C4orf17: variants seen among roughly 807,000 people sequenced by gnomAD.
C4orf17 encodes chromosome 4 open reading frame 17, also known as uncharacterized protein C4orf17.
In C4orf17, 25 loss-of-function variants were observed where a neutral mutation model predicts 32.0. That is an observed-to-expected ratio of 0.78 (90% CI 0.57 to 1.09). C4orf17 has a LOEUF of 1.09. C4orf17 is among the 50% of genes least tolerant of loss of function. The pLI is 0.00. For missense variants in C4orf17, 420 were observed against 420.0 expected (o/e 1.00, Z 0.00); for synonymous variants, 149 against 145.8 (o/e 1.02, Z -0.16).
chr4:99,533,985 CTTTTA>C (rs766741263), intron 5 of C4orf17, among the ~76,000 whole-genome samples: 1 of 152,168 alleles, frequency 6.6e-6, no homozygotes, highest in Non-Finnish European at 1.5e-5. Flanking sequence ...TTTCCCTCAA[CTTTTA>C]TTTTAAGTTC....
chr4:99,538,893 T>C (rs1013778837), intron 6 of C4orf17, among the ~76,000 whole-genome samples: 1 of 152,188 alleles, frequency 6.6e-6, no homozygotes, highest in Non-Finnish European at 1.5e-5. Context: ...CTGGCTACTG[T>C]ACTCAATATT....
intron 5 of C4orf17, among the ~76,000 whole-genome samples, chr4:99,536,955 G>C (rs1411178955): frequency 6.6e-6 from 1 of 152,050 alleles, no homozygotes; most frequent in Non-Finnish European, 1.5e-5. Context: ...GAACAGGCTG[G>C]AGGCAGCCTG....
At chr4:99,539,466 G>C in intron 7 of C4orf17, 96 bp downstream of exon 7, 7 of 974,154 alleles carry the variant, frequency 7.2e-6, no homozygotes, top group Non-Finnish European at 1.1e-5. Context: ...TAAACAGGAG[G>C]TTCTAAAGCT....
intron 4 of C4orf17, among the ~76,000 whole-genome samples, chr4:99,525,151 T>C (rs1257909655): frequency 1.3e-5 from 2 of 152,266 alleles, no homozygotes; most frequent in Non-Finnish European, 2.9e-5. Context: ...TCTACAAGTC[T>C]TTGGATATAT....
chr4:99,518,581 A>AGAGG (rs1249082777), intron 2 of C4orf17, among the ~76,000 whole-genome samples: 1 of 110,676 alleles, frequency 9.0e-6, no homozygotes, highest in Admixed American at 8.7e-5. Context: ...AGAGAGAGAG[A>AGAGG]GAGGGAGGGA....
Position 99,542,195 on chromosome 4 carries a change from T to G in C4orf17, c.*86T>G. 1 of 1,262,862 alleles carries G rather than the reference T, an allele frequency of 7.9e-7. No homozygotes were observed. Among genetic ancestry groups the G allele is most frequent in the South Asian group, 1.3e-5 (1 of 78,698 alleles). The allele number at this position is 1,262,862 out of a possible 1,614,324, so 78.2% of individuals were successfully genotyped here. On this transcript the variant is annotated 3_prime_UTR_variant, in exon 9 of 9. Coordinates refer to ENST00000326581, the MANE Select transcript of C4orf17 (RefSeq NM_032149.3). ...ATTTTTCAAATGAATATTTTTGGTA[T>G]TGAGGAATCAAGTGGTCCTCTTTAT...
intron 2 of C4orf17, among the ~76,000 whole-genome samples, chr4:99,515,247 G>C (rs1217037750): frequency 2.0e-5 from 3 of 152,246 alleles, no homozygotes; most frequent in Non-Finnish European, 2.9e-5. Flanking sequence ...ACCTGCACCT[G>C]TATGTTCACT....
rs1294836797 is a variant in C4orf17 at position 99,529,958 on chromosome 4, AG to A, written c.546+1del. 2 of 1,606,952 alleles carry A rather than the reference AG, an allele frequency of 1.2e-6. No homozygotes were observed. The highest frequency in any genetic ancestry group is 1.7e-6 in the Non-Finnish European group (2 of 1,177,408). On this transcript the variant is annotated splice_donor_variant, in intron 5 of 8. Coordinates refer to ENST00000326581, the MANE Select transcript of C4orf17 (RefSeq NM_032149.3). LOFTEE classifies it high-confidence loss of function. The stretch of plus-strand genomic sequence containing the variant: ...CAAACTATCTGGATCAGGAAATAAA[AG>A]TAAGTATCAGGTTTATCAAATCCAT...
chr4:99,515,000 G>C (rs1723154792), intron 2 of C4orf17, among the ~76,000 whole-genome samples: 1 of 152,158 alleles, frequency 6.6e-6, no homozygotes, highest in African/African-American at 2.4e-5. Flanking sequence ...AGTAACTCAG[G>C]AATGGAAAAC....
rs756367522 is a variant in C4orf17 at position 99,537,644 on chromosome 4, A to G, written c.547-25A>G. 4 of 1,546,124 alleles carry G rather than the reference A, an allele frequency of 2.6e-6. No homozygotes were observed. In the South Asian group the frequency reaches 4.5e-5, roughly 17 times the overall value. On this transcript the variant is annotated intron_variant, in intron 5 of 8. Coordinates refer to ENST00000326581, the MANE Select transcript of C4orf17 (RefSeq NM_032149.3). ...AGCCTTGTACTATTTATTTGCTCAT[A>G]TGTAACTCTAATGTTCTCTGTCAGA...
chr4:99,515,354 T>C (rs990883795), intron 2 of C4orf17, among the ~76,000 whole-genome samples: 10 of 152,120 alleles, frequency 6.6e-5, no homozygotes, highest in African/African-American at 2.4e-4. Flanking sequence ...CACCATGGAA[T>C]ACTCTGCAGC....
At chr4:99,539,603 C>A (rs1364276265) in intron 7 of C4orf17, among the ~76,000 whole-genome samples, 2 of 152,122 alleles carry the variant, frequency 1.3e-5, no homozygotes, top group African/African-American at 4.8e-5. Flanking sequence ...TATCTGGTAA[C>A]CTTTCTTTTT....
At chr4:99,512,443 C>A (rs1164156975) in intron 1 of C4orf17, among the ~76,000 whole-genome samples, 1 of 152,110 alleles carries the variant, frequency 6.6e-6, no homozygotes, top group Non-Finnish European at 1.5e-5. Flanking sequence ...TTGCAAACAA[C>A]AACATGGCAA....
chr4:99,541,764 G>A (rs190011110), intron 8 of C4orf17, 146 bp from the exon 9 acceptor site: 10 of 632,562 alleles, frequency 1.6e-5, no homozygotes, highest in Middle Eastern at 4.3e-4. Flanking sequence ...AAAAAGAAAA[G>A]GAATATATTC....
rs1238756472 is a variant in C4orf17, at chr4:99,539,257, A to T, written c.723A>T (p.Ala241=). ...GAAACACCTCAATGGAACCAGCAGC[A>T]GAGACTGGGAAGCCACCCACAGTTA... ...HRRNTSMEPA[A]ETGKPPTVKS... Residue 241 remains alanine (A), a synonymous_variant, in exon 7 of 9, where the codon GCA becomes GCT. Transcript: ENST00000326581. 1 of 1,614,124 alleles carries T rather than the reference A, an allele frequency of 6.2e-7. No individual in the cohort carries two copies.
Position 99,537,859 on chromosome 4 carries a change from C to T in C4orf17, c.628+109C>T, listed in dbSNP as rs1323208650. The T allele has an allele frequency of 2.6e-5, 21 of 808,370 alleles. No individual in the cohort carries two copies. In the East Asian group the frequency reaches 3.5e-4, roughly 14 times the overall value. The allele number at this position is 808,370 out of a possible 1,614,324, so 50.1% of individuals were successfully genotyped here. A position where few individuals can be genotyped will look rare whatever the true frequency, so the allele number is the denominator to read the frequency against. ...CCTTGGATTTGCAAAGATAATGTTG[C>T]AATATTATTTCCGCAATGTTTCAGT... On this transcript the variant is annotated intron_variant, in intron 6 of 8. Transcript: ENST00000326581.
At position 99,542,018 on chromosome 4, in the gene C4orf17, G is replaced by T. The variant is rs1416542729; in HGVS notation, c.989G>T (p.Ser330Ile). 6.2e-7 allele frequency: 1 copy of T among 1,613,876 alleles called. No homozygotes were observed. The highest frequency in any genetic ancestry group is 8.5e-7 in the Non-Finnish European group (1 of 1,179,906). The change falls in exon 9 of 9, where the codon AGT becomes ATT. Residue 330 changes from serine (S) to isoleucine (I), a missense_variant. Ser to Ile is a moderately radical substitution (Grantham distance 142). Transcript: ENST00000326581. ...CCTCCCAGGCCTAACACTCAGGAGA[G>T]TGGATCAGCAAAACCAGTGTCAGCA... Reference protein sequence around the residue: ...NSPPRPNTQESGSAKPVSARS... With the variant: ...NSPPRPNTQEIGSAKPVSARS...
At chr4:99,518,485 TAAAAAAAAAAAAAAAAAAA>T (rs574883283) in intron 2 of C4orf17, among the ~76,000 whole-genome samples, 1 of 7,992 alleles carries the variant, frequency 1.3e-4, no homozygotes, top group African/African-American at 4.2e-4. Context: ...CCTGTCTCTT[TAAAAAAAAAAAAAAAAAAA>T]AAAAAAAAAA....
At chr4:99,524,421 C>T in intron 3 of C4orf17, 100 bp from the exon 4 acceptor site, 1 of 600,086 alleles carries the variant, frequency 1.7e-6, no homozygotes, top group Non-Finnish European at 2.7e-6. Context: ...ACCTTAAAGT[C>T]AGAAACACTC....
Sources: allele counts gnomAD v4.1 joint callset (sites outside exome capture counted in the v4.1 genomes callset), GRCh38; gene constraint gnomAD v4.1.1; transcripts MANE v1.5; gene names NCBI Gene and HGNC (gene_info 2026-07-23, HGNC 2026-07-21).